ZC3H12D: variants seen among roughly 807,000 people sequenced by gnomAD.
ZC3H12D encodes the protein zinc finger CCCH-type containing 12D.
A neutral mutation model predicts 24.2 loss-of-function variants in ZC3H12D; 11 were observed. That is an observed-to-expected ratio of 0.46 (90% CI 0.29 to 0.75). The LOEUF is 0.75. ZC3H12D is among the 30% of genes least tolerant of loss of function. The pLI, the probability that ZC3H12D is intolerant of heterozygous loss-of-function variation, is 0.11. For synonymous variants in ZC3H12D, 333 were observed against 341.8 expected, an observed-to-expected ratio of 0.97 and a Z score of 0.28; for missense variants, 740 against 767.7, an observed-to-expected ratio of 0.96 and a Z score of 0.43.
At chr6:149,480,092 A>T (rs1300664600) in intron 1 of ZC3H12D, among the ~76,000 whole-genome samples, 1 of 152,166 alleles carries the variant, frequency 6.6e-6, no homozygotes, top group Non-Finnish European at 1.5e-5. Flanking sequence ...CCCTTGTGTA[A>T]GAAACATTTG....
rs1474562677 is a variant in ZC3H12D at position 149,455,263 on chromosome 6, C to G, written c.680+1403G>C. Among the ~76,000 whole-genome samples the G allele has an allele frequency of 2.6e-5, 4 of 152,188 alleles. No individual in the cohort carries two copies. The South Asian group carries it at 6.2e-4, about 24-fold the overall frequency. ...AGCCCAGACCTCTTTCCCCATCGAC[C>G]CTTCCCCAGCCATAGCCATTCACTC... is the stretch of plus-strand genomic sequence containing the variant. On this transcript the variant is annotated intron_variant, in intron 4 of 5. Coordinates refer to ENST00000409806, the MANE Select transcript of ZC3H12D (RefSeq NM_207360.3).
chr6:149,468,105 C>G (rs767272256), intron 2 of ZC3H12D, among the ~76,000 whole-genome samples: 1 of 152,156 alleles, frequency 6.6e-6, no homozygotes, highest in Non-Finnish European at 1.5e-5. Context: ...CCTCAGCCTC[C>G]CGAGTAGCTG....
intron 2 of ZC3H12D, among the ~76,000 whole-genome samples, chr6:149,469,186 G>A (rs368593388): frequency 2.0e-5 from 3 of 152,272 alleles, no homozygotes; most frequent in African/African-American, 4.8e-5. Context: ...AGCCGGGAGC[G>A]ATGGCTCAAG....
At chr6:149,480,430 T>C (rs956339197) in intron 1 of ZC3H12D, among the ~76,000 whole-genome samples, 1 of 151,792 alleles carries the variant, frequency 6.6e-6, no homozygotes, top group South Asian at 2.1e-4. Flanking sequence ...TAAGTGGGAG[T>C]GAAACACGGA....
Position 149,451,428 on chromosome 6 carries a change from G to T in ZC3H12D, c.839C>A (p.Pro280Gln). 1.9e-6 allele frequency: 3 copies of T among 1,575,066 alleles called. No homozygotes were observed. The highest frequency in any genetic ancestry group is 2.6e-6 in the Non-Finnish European group (3 of 1,170,406). ...IKCKFYHPER[P>Q]HHAQLAVADE... is the part of the protein sequence containing the mutation. ...GGCCACCGCCAGTTGCGCGTGGTGCGGCCTCTCCGGGTGGTAGAACTTGCA... is the reference window on the plus strand; with the variant it reads ...GGCCACCGCCAGTTGCGCGTGGTGCTGCCTCTCCGGGTGGTAGAACTTGCA... Residue 280 changes from proline to glutamine, a missense_variant, in exon 6 of 6, where the codon CCG becomes CAG. Physicochemically the swap from Pro to Gln is moderately conservative, Grantham distance 76 (BLOSUM62 -1). Transcript: ENST00000409806.
chr6:149,474,491 T>C lies in ZC3H12D; in HGVS notation c.53A>G (p.Glu18Gly). ...EFFQKLGYDREDVLRVLGKLG... is the reference protein window; with the variant it reads ...EFFQKLGYDRGDVLRVLGKLG... ...CTTGCCCAACACCCGGAGCACATCC[T>C]CCCGGTCATAGCCCAGCTTCTGGAA... The change falls in exon 2 of 6, where the codon GAG becomes GGG. Residue 18 changes from glutamate (E) to glycine (G), a missense_variant. Glu to Gly is a moderately conservative substitution (Grantham distance 98). Transcript: ENST00000409806. The C allele has an allele frequency of 6.4e-7, 1 of 1,566,792 alleles. No homozygotes were observed. The highest frequency in any genetic ancestry group is 8.7e-7 in the Non-Finnish European group (1 of 1,149,262).
intron 4 of ZC3H12D, among the ~76,000 whole-genome samples, chr6:149,454,916 C>A (rs780790079): frequency 6.6e-6 from 1 of 152,254 alleles, no homozygotes; most frequent in Admixed American, 6.5e-5. Flanking sequence ...TCCACCTCCA[C>A]GGCTGCAGGG....
At chr6:149,459,483 A>T in intron 3 of ZC3H12D, 1 of 670,338 alleles carries the variant, frequency 1.5e-6, no homozygotes, top group Non-Finnish European at 2.8e-6. Flanking sequence ...TGCAGCATGG[A>T]GGGAACCACA....
intron 3 of ZC3H12D, among the ~76,000 whole-genome samples, chr6:149,457,337 C>G (rs61211811): frequency 6.6e-6 from 1 of 152,220 alleles, no homozygotes; most frequent in African/African-American, 2.4e-5. Context: ...TGGCATTCAC[C>G]TGGAAAGCCC....
chr6:149,459,317 C>T (rs1008904767), intron 3 of ZC3H12D, among the ~76,000 whole-genome samples: 2 of 152,178 alleles, frequency 1.3e-5, no homozygotes, highest in South Asian at 4.1e-4. Flanking sequence ...GGGAACTGAA[C>T]ACAAGTATTT....
chr6:149,483,328 TA>T (rs1583195372), intron 1 of ZC3H12D, among the ~76,000 whole-genome samples: 1 of 152,156 alleles, frequency 6.6e-6, no homozygotes, highest in Non-Finnish European at 1.5e-5. Context: ...TAAATTGTGG[TA>T]AATTATATGT....
At position 149,456,557 on chromosome 6, in the gene ZC3H12D, G is replaced by T; in HGVS notation, c.680+109C>A. 1 of 928,090 alleles carries T rather than the reference G, an allele frequency of 1.1e-6. No homozygotes were observed. The highest frequency in any genetic ancestry group is 1.6e-6 in the Non-Finnish European group (1 of 615,426). The allele number at this position is 928,090 out of a possible 1,614,324, so 57.5% of individuals were successfully genotyped here. A position where few individuals can be genotyped will look rare whatever the true frequency, so the allele number is the denominator to read the frequency against. On this transcript the variant is annotated intron_variant, in intron 4 of 5. Transcript: ENST00000409806. The surrounding 1 kb of genome is among the most constrained non-coding windows in gnomAD (Gnocchi z 4.3). ...GGGAGCTCTGTCTGAGGGGCTGGGT[G>T]ACCGGGTGACCCCAAGCTCCTCCAC... is the stretch of plus-strand genomic sequence containing the variant.
At chr6:149,467,971 G>GTTTTGT (rs1286303030) in intron 2 of ZC3H12D, among the ~76,000 whole-genome samples, 1 of 152,024 alleles carries the variant, frequency 6.6e-6, no homozygotes, top group African/African-American at 2.4e-5. Flanking sequence ...GGAGCTGGGA[G>GTTTTGT]TTTTGTTTTT....
In ZC3H12D at chr6:149,451,032, T is replaced by G. The variant is rs1775883178; in HGVS notation, c.1235A>C (p.Gln412Pro). The G allele has an allele frequency of 6.9e-6, 10 of 1,439,648 alleles. No individual in the cohort carries two copies. In the East Asian group the frequency reaches 2.6e-4, roughly 38 times the overall value. 89.2% of individuals were successfully genotyped at this position (1,439,648 alleles called of 1,614,324 possible). A position where few individuals can be genotyped will look rare whatever the true frequency, so the allele number is the denominator to read the frequency against. ...DLPPPPGLQL[Q>P]PRGEHRPRDL... is the part of the protein sequence containing the mutation. The stretch of plus-strand genomic sequence containing the variant: ...CCTAGGGCGGTGTTCGCCCCGCGGC[T>G]GGAGCTGCAGGCCGGGCGGAGGCGG... Residue 412 changes from glutamine to proline, a missense_variant, in exon 6 of 6, where the codon CAG (glutamine) becomes CCG (proline). Physicochemically the swap from Gln to Pro is moderately conservative, Grantham distance 76. Transcript: ENST00000409806.
intron 1 of ZC3H12D, among the ~76,000 whole-genome samples, chr6:149,479,186 C>T (rs1391597554): frequency 6.6e-6 from 1 of 152,098 alleles, no homozygotes; most frequent in African/African-American, 2.4e-5. Flanking sequence ...ATAGTGAGAT[C>T]CCATCTCTAC....
At chr6:149,477,364 C>A (rs148161689) in intron 1 of ZC3H12D, among the ~76,000 whole-genome samples, 6 of 152,232 alleles carry the variant, frequency 3.9e-5, no homozygotes, top group African/African-American at 1.4e-4. Flanking sequence ...GCAGGCACCA[C>A]GTGAAACAAT....
intron 3 of ZC3H12D, among the ~76,000 whole-genome samples, chr6:149,459,026 C>A (rs1417895862): frequency 1.3e-5 from 2 of 152,018 alleles, no homozygotes; most frequent in Admixed American, 6.6e-5. Context: ...TGATGTGTAA[C>A]CCGCCCCCAC....
At chr6:149,455,265 T>G (rs1775960312) in intron 4 of ZC3H12D, among the ~76,000 whole-genome samples, 1 of 152,184 alleles carries the variant, frequency 6.6e-6, no homozygotes, top group Non-Finnish European at 1.5e-5. Context: ...CCATCGACCC[T>G]TCCCCAGCCA....
intron 2 of ZC3H12D, among the ~76,000 whole-genome samples, chr6:149,462,309 G>A (rs9485394): frequency 0.1 from 15,705 of 152,078 alleles, 933 homozygotes; most frequent in African/African-American, 0.16. Context: ...GAAAGATGGA[G>A]GATTCAGTGA....
Sources: allele counts gnomAD v4.1 joint callset (sites outside exome capture counted in the v4.1 genomes callset), GRCh38; gene constraint gnomAD v4.1.1; non-coding constraint Gnocchi (gnomAD v3.1); transcripts MANE v1.5; gene names NCBI Gene and HGNC (gene_info 2026-07-23, HGNC 2026-07-21).